CRPPA: variants seen among roughly 807,000 people sequenced by gnomAD.
The protein encoded by CRPPA is CDP-L-ribitol pyrophosphorylase A.
Under a neutral mutation model 52.0 loss-of-function variants are expected in CRPPA, and 43 were observed. The ratio of observed to expected loss-of-function variants is 0.83; its 90% CI spans 0.65 to 1.07. The LOEUF (loss-of-function observed/expected upper bound fraction) is 1.07, where lower values mean the gene tolerates loss of function less well. Ranked by LOEUF, CRPPA falls within the 50% of genes least tolerant of loss-of-function variation. The probability of loss-of-function intolerance (pLI) is 0.00; values close to 1 mark genes in which losing one functional copy is unlikely to be tolerated. For missense variants in CRPPA, 629 were observed against 551.7 expected (o/e 1.14, Z -1.40); for synonymous variants, 250 against 203.5 (o/e 1.23, Z -1.94).
intron 8 of CRPPA, 144 bp from the exon 9 acceptor site, chr7:16,216,341 C>A (rs1047412274): frequency 7.4e-6 from 4 of 538,556 alleles, no homozygotes. Flanking sequence ...AGTTATGCTT[C>A]AAGCCATACT....
At chr7:16,234,946 A>G (rs1220195912) in intron 8 of CRPPA, among the ~76,000 whole-genome samples, 2 of 152,100 alleles carry the variant, frequency 1.3e-5, no homozygotes, top group East Asian at 3.9e-4. Context: ...CACAGGGTAC[A>G]TGTGGAGAAC....
chr7:16,258,519 G>T, intron 7 of CRPPA, 37 bp from the exon 8 acceptor site: 1 of 1,218,078 alleles, frequency 8.2e-7, no homozygotes. Context: ...ATGAGAAGAC[G>T]TTTTTAAATG....
chr7:16,126,838 A>G (rs1168295264), intron 9 of CRPPA, among the ~76,000 whole-genome samples: 1 of 152,212 alleles, frequency 6.6e-6, no homozygotes, highest in Non-Finnish European at 1.5e-5. Context: ...TATGAATGAA[A>G]GGAACATCAG....
chr7:16,128,131 G>A (rs1782615367), intron 9 of CRPPA, among the ~76,000 whole-genome samples: 1 of 152,112 alleles, frequency 6.6e-6, no homozygotes, highest in African/African-American at 2.4e-5. Context: ...GCTGGAGGGT[G>A]GAGGAGGGAG....
At chr7:16,188,194 C>T (rs1781542941) in intron 9 of CRPPA, among the ~76,000 whole-genome samples, 1 of 151,804 alleles carries the variant, frequency 6.6e-6, no homozygotes, top group Non-Finnish European at 1.5e-5. Context: ...CTGTGTTAGC[C>T]AGGATGGTCT....
intron 4 of CRPPA, among the ~76,000 whole-genome samples, chr7:16,302,153 A>T (rs896564210): frequency 2.0e-5 from 3 of 151,984 alleles, no homozygotes; most frequent in Non-Finnish European, 4.4e-5. Flanking sequence ...AAAATTAGCC[A>T]GGCGCGGTGG....
intron 5 of CRPPA, among the ~76,000 whole-genome samples, chr7:16,301,063 C>G (rs921824745): frequency 6.6e-6 from 1 of 152,080 alleles, no homozygotes; most frequent in Non-Finnish European, 1.5e-5. Flanking sequence ...TGTACCGACA[C>G]GACACTGTTA....
chr7:16,183,978 G>C (rs928061593), intron 9 of CRPPA, among the ~76,000 whole-genome samples: 1 of 152,004 alleles, frequency 6.6e-6, no homozygotes, highest in Non-Finnish European at 1.5e-5. Context: ...GTTTTGCTCT[G>C]TCATCCAGGC....
In CRPPA at chr7:16,318,117, C is replaced by G. The variant is rs116834950; in HGVS notation, c.685-9490G>C. Among the ~76,000 whole-genome samples the G allele has an allele frequency of 1.3e-3, 201 of 152,244 alleles. 1 individual carries two copies. The highest frequency in any genetic ancestry group is 4.7e-3 in the African/African-American group (196 of 41,552). On this transcript the variant is annotated intron_variant, in intron 3 of 9. Transcript: ENST00000407010. ...TTCTCCTAACCTAGCCCTTTTACCT[C>G]ACTGAGGCATCCAACCCCGTGAAAC... is the stretch of plus-strand genomic sequence containing the variant.
chr7:16,199,260 T>G (rs1247132604), intron 9 of CRPPA, among the ~76,000 whole-genome samples: 1 of 152,182 alleles, frequency 6.6e-6, no homozygotes, highest in African/African-American at 2.4e-5. Context: ...GATCAGTCAC[T>G]TCTGCAAAAC....
At chr7:16,206,624 GA>G (rs1781979424) in intron 9 of CRPPA, among the ~76,000 whole-genome samples, 1 of 151,904 alleles carries the variant, frequency 6.6e-6, no homozygotes, top group African/African-American at 2.4e-5. Flanking sequence ...AATTTTAGCT[GA>G]AAAAAGTGGC....
At chr7:16,103,099 T>A (rs767203453) in intron 9 of CRPPA, among the ~76,000 whole-genome samples, 1 of 152,188 alleles carries the variant, frequency 6.6e-6, no homozygotes, top group African/African-American at 2.4e-5. Flanking sequence ...ATGTGGCACA[T>A]GTACACCATG....
At chr7:16,281,631 A>C (rs759128718) in intron 5 of CRPPA, among the ~76,000 whole-genome samples, 1 of 152,144 alleles carries the variant, frequency 6.6e-6, no homozygotes, top group Non-Finnish European at 1.5e-5. Context: ...TGAGTTGGTA[A>C]GTGTTTTTCC....
intron 9 of CRPPA, among the ~76,000 whole-genome samples, chr7:16,166,538 T>G (rs1435609069): frequency 1.3e-5 from 2 of 152,072 alleles, no homozygotes; most frequent in Non-Finnish European, 1.5e-5. Context: ...CCTCAATCTC[T>G]CAAAATGCTA....
rs569479555 is a variant in CRPPA, at chr7:16,268,273, A to G, written c.934-9261T>C. Among the ~76,000 whole-genome samples the G allele has an allele frequency of 2.0e-5, 3 of 152,256 alleles. No individual in the cohort carries two copies. In the South Asian group the frequency reaches 6.2e-4, roughly 32 times the overall value. Reference sequence around the variant, plus strand: ...CCACCTAGTTTTTACAAAATGATAGAAAATAAAGAAAATTAAAATCAGCTA... The same window carrying G: ...CCACCTAGTTTTTACAAAATGATAGGAAATAAAGAAAATTAAAATCAGCTA... On this transcript the variant is annotated intron_variant, in intron 6 of 9. Coordinates refer to ENST00000407010, the MANE Select transcript of CRPPA (RefSeq NM_001101426.4).
At chr7:16,353,613 G>T (rs1313569775) in intron 3 of CRPPA, among the ~76,000 whole-genome samples, 4 of 152,122 alleles carry the variant, frequency 2.6e-5, no homozygotes, top group South Asian at 2.1e-4. Flanking sequence ...AATTTGGGAG[G>T]CCAAGGCGGG....
chr7:16,180,618 C>T (rs748151633), intron 9 of CRPPA, among the ~76,000 whole-genome samples: 10 of 151,930 alleles, frequency 6.6e-5, no homozygotes, highest in Non-Finnish European at 1.3e-4. Flanking sequence ...ATTCATCTAA[C>T]AATATTTTCT....
chr7:16,286,041 ATAAATATATATATATATAT>A (rs1784429191), intron 5 of CRPPA, among the ~76,000 whole-genome samples: 2 of 12,326 alleles, frequency 1.6e-4, no homozygotes, highest in African/African-American at 1.4e-3. Flanking sequence ...AAAAAAAAAT[ATAAATATATATATATATAT>A]ATATATATAT....
chr7:16,204,153 C>G (rs1242080703), intron 9 of CRPPA, among the ~76,000 whole-genome samples: 2 of 152,004 alleles, frequency 1.3e-5, no homozygotes, highest in Non-Finnish European at 2.9e-5. Context: ...CTACATTTTC[C>G]TTTTTAAATT....
Sources: allele counts gnomAD v4.1 joint callset (sites outside exome capture counted in the v4.1 genomes callset), GRCh38; gene constraint gnomAD v4.1.1; transcripts MANE v1.5; gene names NCBI Gene and HGNC (gene_info 2026-07-23, HGNC 2026-07-21).